MAGI3: variants seen among roughly 807,000 people sequenced by gnomAD.
The protein encoded by MAGI3 is membrane-associated guanylate kinase, WW and PDZ domain-containing protein 3.
In MAGI3, 43 loss-of-function variants were observed where a neutral mutation model predicts 121.8. That is an observed-to-expected ratio of 0.35 (90% CI 0.28 to 0.46). MAGI3 has a LOEUF of 0.46. Ranked by LOEUF, MAGI3 falls within the 20% of genes least tolerant of loss-of-function variation. The pLI is 1.00. For synonymous variants in MAGI3, 553 were observed against 639.3 expected, an observed-to-expected ratio of 0.86 and a Z score of 2.04; for missense variants, 1,547 against 1,797.3, an observed-to-expected ratio of 0.86 and a Z score of 2.52.
At chr1:113,510,996 A>G (rs1657588040) in intron 1 of MAGI3, among the ~76,000 whole-genome samples, 1 of 152,198 alleles carries the variant, frequency 6.6e-6, no homozygotes, top group Non-Finnish European at 1.5e-5. Flanking sequence ...CTTTCTCACT[A>G]GACTAGGGAC....
chr1:113,520,805 G>A (rs1432195109), intron 1 of MAGI3, among the ~76,000 whole-genome samples: 1 of 152,046 alleles, frequency 6.6e-6, no homozygotes, highest in Non-Finnish European at 1.5e-5. Flanking sequence ...GTTTCACCAT[G>A]TTGGCCAGCT....
chr1:113,460,531 C>T (rs752444712), intron 1 of MAGI3, among the ~76,000 whole-genome samples: 43 of 152,226 alleles, frequency 2.8e-4, no homozygotes, highest in Non-Finnish European at 4.1e-4. Context: ...TAGTCTCAGC[C>T]GGGCACGGTG....
chr1:113,503,488 C>G (rs539629783), intron 1 of MAGI3, among the ~76,000 whole-genome samples: 1 of 151,854 alleles, frequency 6.6e-6, no homozygotes, highest in Non-Finnish European at 1.5e-5. Context: ...TAAAATGGAT[C>G]TTGAGTAACA....
At chr1:113,586,711 T>C (rs1249334114) in intron 4 of MAGI3, among the ~76,000 whole-genome samples, 1 of 152,212 alleles carries the variant, frequency 6.6e-6, no homozygotes, top group Non-Finnish European at 1.5e-5. Flanking sequence ...CTGTTAACAT[T>C]TAAAAATGCT....
chr1:113,415,563 G>A (rs1001939784), intron 1 of MAGI3, among the ~76,000 whole-genome samples: 3 of 151,908 alleles, frequency 2.0e-5, no homozygotes, highest in Non-Finnish European at 4.4e-5. Flanking sequence ...GCCCCAATAT[G>A]ATTCTTGAGC....
intron 17 of MAGI3, 44 bp from the exon 18 acceptor site, chr1:113,672,571 C>T: frequency 6.3e-7 from 1 of 1,576,098 alleles, no homozygotes. Flanking sequence ...GACTGTTTTT[C>T]ATTTTCTCAG....
intron 9 of MAGI3, among the ~76,000 whole-genome samples, chr1:113,640,114 C>A (rs995823256): frequency 2.0e-5 from 3 of 152,090 alleles, no homozygotes; most frequent in Admixed American, 6.5e-5. Context: ...ATGTGGCTAA[C>A]AAGCATATGA....
intron 4 of MAGI3, among the ~76,000 whole-genome samples, chr1:113,587,298 C>G (rs1648431906): frequency 6.6e-6 from 1 of 152,186 alleles, no homozygotes; most frequent in African/African-American, 2.4e-5. Flanking sequence ...TAGGCTCACA[C>G]AATTCTCATG....
chr1:113,668,584 T>TTC (rs1200193236), intron 16 of MAGI3, among the ~76,000 whole-genome samples: 17 of 142,310 alleles, frequency 1.2e-4, no homozygotes, highest in Admixed American at 1.2e-3. Context: ...TTTTTTTTTT[T>TTC]TTTTTTTTTG....
intron 19 of MAGI3, among the ~76,000 whole-genome samples, chr1:113,677,940 T>A (rs1336283974): frequency 1.3e-5 from 2 of 152,094 alleles, no homozygotes; most frequent in African/African-American, 4.8e-5. Flanking sequence ...CTCAGAAGAG[T>A]CTTTTTCATC....
intron 1 of MAGI3, among the ~76,000 whole-genome samples, chr1:113,518,150 C>T (rs1291670278): frequency 6.6e-6 from 1 of 152,046 alleles, no homozygotes; most frequent in African/African-American, 2.4e-5. Context: ...TCTACTCCAC[C>T]TAAGCTCCTA....
At chr1:113,431,947 A>G (rs1653321336) in intron 1 of MAGI3, among the ~76,000 whole-genome samples, 1 of 152,202 alleles carries the variant, frequency 6.6e-6, no homozygotes, top group Non-Finnish European at 1.5e-5. Flanking sequence ...GTAGTATTAT[A>G]TTACTGATGT....
intron 1 of MAGI3, among the ~76,000 whole-genome samples, chr1:113,445,556 A>G (rs1313916464): frequency 6.6e-6 from 1 of 152,142 alleles, no homozygotes; most frequent in African/African-American, 2.4e-5. Context: ...GTTTGCTGTG[A>G]TTATGCCACC....
intron 1 of MAGI3, among the ~76,000 whole-genome samples, chr1:113,406,304 C>T (rs182372625): frequency 0.023 from 3,489 of 149,312 alleles, 129 homozygotes; most frequent in African/African-American, 0.081. Flanking sequence ...AAAAATTAGC[C>T]GGGTGTGGTG....
At chr1:113,550,274 G>T (rs1456446352) in intron 2 of MAGI3, among the ~76,000 whole-genome samples, 2 of 149,408 alleles carry the variant, frequency 1.3e-5, no homozygotes, top group South Asian at 4.2e-4. Context: ...AAAATTAGCC[G>T]GGTGCGTCGC....
At chr1:113,522,711 G>A (rs1658260058) in intron 1 of MAGI3, among the ~76,000 whole-genome samples, 2 of 152,142 alleles carry the variant, frequency 1.3e-5, no homozygotes, top group Non-Finnish European at 2.9e-5. Context: ...GAGTGAATAA[G>A]TATCCACATA....
At chr1:113,452,363 A>G (rs1459807557) in intron 1 of MAGI3, among the ~76,000 whole-genome samples, 1 of 151,966 alleles carries the variant, frequency 6.6e-6, no homozygotes, top group Non-Finnish European at 1.5e-5. Context: ...TGATCTCTCT[A>G]TGGGACTTCA....
intron 1 of MAGI3, among the ~76,000 whole-genome samples, chr1:113,406,624 T>C (rs1476018195): frequency 1.1e-4 from 16 of 151,824 alleles, no homozygotes; most frequent in Admixed American, 1.1e-3. Context: ...AATATTAAAG[T>C]ATTAAAGGCT....
intron 9 of MAGI3, among the ~76,000 whole-genome samples, chr1:113,625,206 A>T (rs939484300): frequency 1.3e-5 from 2 of 152,052 alleles, no homozygotes; most frequent in Admixed American, 6.6e-5. Context: ...TAAATTTCAG[A>T]ATTGTTTTTT....
Sources: allele counts gnomAD v4.1 joint callset (sites outside exome capture counted in the v4.1 genomes callset), GRCh38; gene constraint gnomAD v4.1.1; transcripts MANE v1.5; gene names NCBI Gene and HGNC (gene_info 2026-07-23, HGNC 2026-07-21).